NPR1: variants seen among roughly 807,000 people sequenced by gnomAD.
NPR1 encodes natriuretic peptide receptor 1.
A neutral mutation model predicts 116.9 loss-of-function variants in NPR1; 57 were observed. The observed-to-expected ratio is 0.49, with a 90% confidence interval of 0.39 to 0.61. The LOEUF (loss-of-function observed/expected upper bound fraction) is 0.61. Among genes scored for constraint, NPR1 ranks in the 20% least tolerant of loss-of-function variants. The pLI, the probability that NPR1 is intolerant of heterozygous loss-of-function variation, is 0.00. For synonymous variants in NPR1, 555 were observed against 601.6 expected, an observed-to-expected ratio of 0.92 and a Z score of 1.13; for missense variants, 1,096 against 1,409.8, an observed-to-expected ratio of 0.78 and a Z score of 3.56.
In NPR1 at chr1:153,687,079, A is replaced by T; in HGVS notation, c.1927A>T (p.Ile643Phe). 1 of 1,614,114 alleles carries T rather than the reference A, an allele frequency of 6.2e-7. No individual in the cohort carries two copies. ...GTTCCGGTACTCACTCACCAATGAC[A>T]TCGTCAAGGTATGCCCCTAAGCACC... The part of the protein sequence containing the change: ...WMFRYSLTND[I>F]VKGMLFLHNG... Residue 643 changes from isoleucine (I) to phenylalanine (F), a missense_variant, in exon 12 of 22, where the codon ATC (isoleucine) becomes TTC (phenylalanine). Transcript: ENST00000368680.
At chr1:153,687,453 A>C in intron 13 of NPR1, 97 bp downstream of exon 13, 7 of 1,511,010 alleles carry the variant, frequency 4.6e-6, no homozygotes, top group Non-Finnish European at 6.2e-6. Flanking sequence ...GCTTGTCCTG[A>C]CTCCAGCCTC....
chr1:153,682,656 A>G (rs1466153667), intron 5 of NPR1, 67 bp downstream of exon 5: 2 of 1,178,246 alleles, frequency 1.7e-6, no homozygotes, highest in African/African-American at 1.5e-5. Context: ...CTTCCCCCCC[A>G]CAGCCCTGCC....
intron 3 of NPR1, 64 bp from the exon 4 acceptor site, chr1:153,681,640 C>T (rs1669784159): frequency 1.3e-6 from 2 of 1,574,620 alleles, no homozygotes; most frequent in Non-Finnish European, 1.7e-6. Flanking sequence ...GTTCCCTTCC[C>T]CACAGCTCCC....
chr1:153,685,215 G>T, intron 8 of NPR1, 131 bp downstream of exon 8: 8 of 1,233,046 alleles, frequency 6.5e-6, no homozygotes, highest in Non-Finnish European at 8.9e-6. Flanking sequence ...GACCTTGAGC[G>T]ACTCATAGTC....
At chr1:153,687,465 A>G (rs550501246) in intron 13 of NPR1, 109 bp downstream of exon 13, 24 of 1,496,676 alleles carry the variant, frequency 1.6e-5, no homozygotes, top group Non-Finnish European at 2.2e-5. Context: ...TCCAGCCTCA[A>G]TTCATTCACC....
At position 153,679,741 on chromosome 1, in the gene NPR1, C is replaced by A; in HGVS notation, c.633C>A (p.Leu211=). 6.3e-7 allele frequency: 1 copy of A among 1,598,434 alleles called. No individual in the cohort carries two copies. Among genetic ancestry groups the A allele is most frequent in the Non-Finnish European group, 8.5e-7 (1 of 1,175,468 alleles). ...EGLFMRVRDR[L]NITVDHLEFA... ...TGTTCATGCGGGTCCGCGACCGCCTCAATATTACGGTGGACCACCTGGAGT... is the reference window on the plus strand; with the variant it reads ...TGTTCATGCGGGTCCGCGACCGCCTAAATATTACGGTGGACCACCTGGAGT... Residue 211 remains leucine, a synonymous_variant, in exon 1 of 22, where the codon CTC becomes CTA. Transcript: ENST00000368680. This position sits in a 1 kb window ranked among gnomAD's most constrained non-coding sequence, Gnocchi z 4.2.
chr1:153,692,392 A>G (rs983437539), intron 20 of NPR1, among the ~76,000 whole-genome samples: 3 of 152,156 alleles, frequency 2.0e-5, no homozygotes, highest in African/African-American at 7.2e-5. Context: ...GTGCTGTCCA[A>G]CAGGATGTTC....
chr1:153,686,087 T>C (rs1287705028), intron 9 of NPR1, 36 bp from the exon 10 acceptor site: 6 of 1,602,308 alleles, frequency 3.7e-6, no homozygotes, highest in South Asian at 2.2e-5. Context: ...CATGGGACCA[T>C]GCTCTTCACA....
At chr1:153,682,389 A>G (rs1329996284) in intron 4 of NPR1, 109 bp from the exon 5 acceptor site, 3 of 762,656 alleles carry the variant, frequency 3.9e-6, no homozygotes, top group South Asian at 1.5e-5. Context: ...TTCTGTATAC[A>G]TGTATGTTTG....
intron 20 of NPR1, among the ~76,000 whole-genome samples, chr1:153,690,646 T>G (rs909764076): frequency 6.6e-6 from 1 of 151,992 alleles, no homozygotes; most frequent in Non-Finnish European, 1.5e-5. Context: ...AATCTGATTT[T>G]AAGACCCTCT....
chr1:153,683,534 G>T (rs200129605), intron 6 of NPR1, 23 bp downstream of exon 6: 12 of 1,613,488 alleles, frequency 7.4e-6, no homozygotes, highest in Non-Finnish European at 1.0e-5. Flanking sequence ...TGCCTTCCAG[G>T]CCTCCATCCC....
At chr1:153,691,786 C>G (rs1202583175) in intron 20 of NPR1, among the ~76,000 whole-genome samples, 2 of 151,790 alleles carry the variant, frequency 1.3e-5, no homozygotes, top group Admixed American at 6.6e-5. Context: ...GTAATCCCAG[C>G]TACTCAGGAG....
intron 3 of NPR1, 177 bp downstream of exon 3, chr1:153,681,470 G>T: frequency 1.6e-6 from 1 of 639,216 alleles, no homozygotes; most frequent in Non-Finnish European, 2.7e-6. Context: ...CTGAAACTCA[G>T]GTCATCATCA....
At chr1:153,690,108 G>C (rs61806720) in intron 19 of NPR1, 128 bp downstream of exon 19, 19,952 of 304,376 alleles carry the variant, frequency 0.066, 83 homozygotes, top group South Asian at 0.12. Flanking sequence ...CTCTCTCTCT[G>C]TCTCTCTCTC....
Position 153,681,297 on chromosome 1 carries a change from A to C in NPR1, c.1035+4A>C, listed in dbSNP as rs749115268. 5 of 1,575,782 alleles carry C rather than the reference A, an allele frequency of 3.2e-6. No individual in the cohort carries two copies. The African/African-American group carries it at 6.8e-5, about 21-fold the overall frequency. ...CTTCACCATGGAGGATGGCCTGGTAAGAAGGGGTCCCGGGACCCTCCAGCG... is the reference window on the plus strand; with the variant it reads ...CTTCACCATGGAGGATGGCCTGGTACGAAGGGGTCCCGGGACCCTCCAGCG... On this transcript the variant is annotated splice_donor_region_variant and intron_variant, in intron 3 of 21. Coordinates refer to ENST00000368680, the MANE Select transcript of NPR1 (RefSeq NM_000906.4).
Position 153,681,274 on chromosome 1 carries a change from T to C in NPR1, c.1016T>C (p.Phe339Ser), listed in dbSNP as rs533008573. 4.3e-6 allele frequency: 7 copies of C among 1,610,082 alleles called. No homozygotes were observed. The Admixed American group carries it at 6.7e-5, about 15-fold the overall frequency. Residue 339 changes from phenylalanine (F) to serine (S), a missense_variant, in exon 3 of 22, where the codon TTC becomes TCC. By Grantham distance (155) the Phe-to-Ser change is radical (BLOSUM62 -2). Transcript: ENST00000368680. Reference protein sequence around the residue: ...LKHLAYEQFNFTMEDGLVNTI... With the variant: ...LKHLAYEQFNSTMEDGLVNTI... ...CACCTGGCCTATGAGCAGTTCAACTTCACCATGGAGGATGGCCTGGTAAGA... is the reference window on the plus strand; with the variant it reads ...CACCTGGCCTATGAGCAGTTCAACTCCACCATGGAGGATGGCCTGGTAAGA...
At position 153,689,877 on chromosome 1, in the gene NPR1, C is replaced by T. The variant is rs376737842; in HGVS notation, c.2829C>T (p.Cys943=). Residue 943 remains cysteine (C), a synonymous_variant, in exon 19 of 22, where the codon TGC becomes TGT. Coordinates refer to ENST00000368680, the MANE Select transcript of NPR1 (RefSeq NM_000906.4). The surrounding 1 kb of genome is among the most constrained non-coding windows in gnomAD (Gnocchi z 5.1). Reference sequence around the variant, plus strand: ...TGCGGAACGGGCGGCTACACGCCTGCGAGGTAGCCCGCATGGCCCTGGCAC... The same window carrying T: ...TGCGGAACGGGCGGCTACACGCCTGTGAGGTAGCCCGCATGGCCCTGGCAC... ...LPVRNGRLHA[C]EVARMALALL... 1.3e-5 allele frequency: 21 copies of T among 1,586,256 alleles called. No homozygotes were observed. Among genetic ancestry groups the T allele is most frequent in the African/African-American group, 5.4e-5 (4 of 74,572 alleles).
intron 9 of NPR1, 107 bp downstream of exon 9, chr1:153,685,987 C>G: frequency 7.3e-7 from 1 of 1,376,112 alleles, no homozygotes; most frequent in Non-Finnish European, 1.0e-6. Context: ...TGGGGAGCAG[C>G]AGATGGGGGC....
At chr1:153,680,048 A>C (rs1472660805) in intron 1 of NPR1, among the ~76,000 whole-genome samples, 5 of 131,834 alleles carry the variant, frequency 3.8e-5, no homozygotes, top group Admixed American at 7.9e-5. Flanking sequence ...CATCTCCCCG[A>C]CCCCCACTCA....
Sources: allele counts gnomAD v4.1 joint callset (sites outside exome capture counted in the v4.1 genomes callset), GRCh38; gene constraint gnomAD v4.1.1; non-coding constraint Gnocchi (gnomAD v3.1); transcripts MANE v1.5; gene names NCBI Gene and HGNC (gene_info 2026-07-23, HGNC 2026-07-21).